SH3KBP1: variants seen among roughly 807,000 people sequenced by gnomAD.
SH3KBP1 encodes SH3 domain containing kinase binding protein 1.
In SH3KBP1, 8 loss-of-function variants were observed where a neutral mutation model predicts 50.1. That is an observed-to-expected ratio of 0.16 (90% CI 0.09 to 0.29). The LOEUF (loss-of-function observed/expected upper bound fraction) is 0.29. Among genes scored for constraint, SH3KBP1 ranks in the 10% least tolerant of loss-of-function variants. SH3KBP1 has a pLI of 1.00. For synonymous variants in SH3KBP1, 227 were observed against 218.6 expected, an observed-to-expected ratio of 1.04 and a Z score of -0.34; for missense variants, 377 against 535.2, an observed-to-expected ratio of 0.70 and a Z score of 2.92.
At chrX:19,666,181 T>C (rs1342660739) in intron 6 of SH3KBP1, among the ~76,000 whole-genome samples, 3 of 105,780 alleles carry the variant, frequency 2.8e-5, no homozygotes, top group African/African-American at 1.0e-4. Context: ...GAGTAGAAGG[T>C]GAAGAGGAAA....
intron 3 of SH3KBP1, 112 bp from the exon 4 acceptor site, chrX:19,707,096 C>T: frequency 1.5e-6 from 1 of 652,056 alleles, no homozygotes; most frequent in Non-Finnish European, 2.6e-6. Flanking sequence ...CAAATATGCT[C>T]TCTGGGACAT....
chrX:19,754,999 T>C (rs953051261), intron 2 of SH3KBP1, among the ~76,000 whole-genome samples: 1 of 112,694 alleles, frequency 8.9e-6, no homozygotes, highest in Non-Finnish European at 1.9e-5. Flanking sequence ...AAATAAAGAA[T>C]GTTTCTACAA....
intron 6 of SH3KBP1, among the ~76,000 whole-genome samples, chrX:19,682,515 T>C (rs1266011931): frequency 9.0e-6 from 1 of 110,963 alleles, no homozygotes; most frequent in East Asian, 2.8e-4. Flanking sequence ...CAGTGTTCCT[T>C]TCCAAGATGG....
At chrX:19,669,138 G>A (rs2062714798) in intron 6 of SH3KBP1, among the ~76,000 whole-genome samples, 1 of 98,797 alleles carries the variant, frequency 1.0e-5, no homozygotes, top group Non-Finnish European at 2.0e-5. Flanking sequence ...GCTAATTTTT[G>A]TATTTTTCGT....
intron 3 of SH3KBP1, among the ~76,000 whole-genome samples, chrX:19,741,417 T>G (rs779237276): frequency 8.9e-6 from 1 of 112,347 alleles, no homozygotes; most frequent in South Asian, 3.6e-4. Flanking sequence ...ATAAAGATGG[T>G]AAAAGCAGTT....
intron 2 of SH3KBP1, among the ~76,000 whole-genome samples, chrX:19,794,365 T>C (rs1210811780): frequency 9.0e-6 from 1 of 110,976 alleles, no homozygotes; most frequent in African/African-American, 3.3e-5. Context: ...GATTGCACCA[T>C]TGCACTCCAG....
At chrX:19,732,463 C>A in intron 3 of SH3KBP1, among the ~76,000 whole-genome samples, 1 of 109,934 alleles carries the variant, frequency 9.1e-6, no homozygotes, top group East Asian at 2.8e-4. Flanking sequence ...GGTTTGGCAT[C>A]CCACAAATGC....
intron 6 of SH3KBP1, among the ~76,000 whole-genome samples, chrX:19,682,630 AT>A (rs951669853): frequency 1.8e-5 from 2 of 110,768 alleles, no homozygotes; most frequent in Non-Finnish European, 3.8e-5. Context: ...GAAAAATATC[AT>A]ATATTGATTG....
chrX:19,801,882 C>A (rs778842525), intron 2 of SH3KBP1, among the ~76,000 whole-genome samples: 80 of 111,334 alleles, frequency 7.2e-4, no homozygotes, highest in African/African-American at 2.4e-3. Flanking sequence ...TTGAAACCAG[C>A]CTGGCCAACA....
intron 1 of SH3KBP1, among the ~76,000 whole-genome samples, chrX:19,866,994 T>C (rs975726829): frequency 9.0e-6 from 1 of 111,283 alleles, no homozygotes; most frequent in Non-Finnish European, 1.9e-5. Flanking sequence ...GAAGTCAATA[T>C]GCGATCCCAT....
intron 6 of SH3KBP1, among the ~76,000 whole-genome samples, chrX:19,675,927 T>C (rs1340989783): frequency 8.9e-6 from 1 of 111,743 alleles, no homozygotes; most frequent in Non-Finnish European, 1.9e-5. Flanking sequence ...CTTCCTTACT[T>C]TTTCCAGATC....
At chrX:19,692,710 T>C in intron 5 of SH3KBP1, among the ~76,000 whole-genome samples, 1 of 99,563 alleles carries the variant, frequency 1.0e-5, no homozygotes. Context: ...TTTTTAATAG[T>C]CTCTTTCTGT....
At chrX:19,622,468 A>G (rs1174550092) in intron 8 of SH3KBP1, among the ~76,000 whole-genome samples, 1 of 112,512 alleles carries the variant, frequency 8.9e-6, no homozygotes, top group Non-Finnish European at 1.9e-5. Context: ...ATCAGGAAAT[A>G]GTAACTGCTA....
chrX:19,795,888 C>T (rs1223284143), intron 2 of SH3KBP1, among the ~76,000 whole-genome samples: 1 of 111,800 alleles, frequency 8.9e-6, no homozygotes, highest in Non-Finnish European at 1.9e-5. Flanking sequence ...TATTATATTG[C>T]CATAAAAATT....
intron 2 of SH3KBP1, among the ~76,000 whole-genome samples, chrX:19,747,161 T>C (rs2064940768): frequency 8.9e-6 from 1 of 112,425 alleles, no homozygotes; most frequent in Admixed American, 9.4e-5. Context: ...CAGAAAAAGT[T>C]CGCTGACCCC....
At chrX:19,628,947 A>C (rs2061516385) in intron 8 of SH3KBP1, among the ~76,000 whole-genome samples, 1 of 110,905 alleles carries the variant, frequency 9.0e-6, no homozygotes, top group Non-Finnish European at 1.9e-5. Flanking sequence ...AAATACAAAA[A>C]TTAGCCAGGC....
intron 13 of SH3KBP1, among the ~76,000 whole-genome samples, chrX:19,565,267 G>A (rs1370833666): frequency 1.8e-5 from 2 of 108,606 alleles, no homozygotes; most frequent in East Asian, 5.8e-4. Flanking sequence ...TCACCATGTT[G>A]GCCAGGCTGG....
In SH3KBP1 at chrX:19,545,955, T is replaced by C; in HGVS notation, c.1590A>G (p.Ser530=). The C allele has an allele frequency of 4.1e-6, 5 of 1,211,445 alleles. No homozygotes were observed. The highest frequency in any genetic ancestry group is 5.6e-6 in the Non-Finnish European group (5 of 895,243). ...ISLAHRGVDA[S]KKTSKTVTIS... ...TGGTAACAGTCTTGGAAGTTTTCTT[T>C]GACGCGTCCACTCCTCTGTGCGCAA... Residue 530 remains serine (S), a synonymous_variant, in exon 15 of 18, where the codon TCA becomes TCG. Transcript: ENST00000397821.
intron 2 of SH3KBP1, among the ~76,000 whole-genome samples, chrX:19,758,009 T>C (rs1193429437): frequency 9.0e-6 from 1 of 110,755 alleles, no homozygotes; most frequent in Non-Finnish European, 1.9e-5. Flanking sequence ...TCAATGTTTT[T>C]TTTTCAGTCA....
Sources: allele counts gnomAD v4.1 joint callset (sites outside exome capture counted in the v4.1 genomes callset), GRCh38; gene constraint gnomAD v4.1.1; transcripts MANE v1.5; gene names NCBI Gene and HGNC (gene_info 2026-07-23, HGNC 2026-07-21).